Variants in CR1 observed in about 807,000 individuals in gnomAD.
CR1 encodes complement receptor type 1.
A neutral mutation model predicts 187.3 loss-of-function variants in CR1; 116 were observed. That is an observed-to-expected ratio of 0.62 (90% confidence interval 0.53 to 0.72). CR1 has a LOEUF of 0.72. Ranked by LOEUF, CR1 falls within the 30% of genes least tolerant of loss-of-function variation. The pLI, the probability that CR1 is intolerant of heterozygous loss-of-function variation, is 0.00. For synonymous variants in CR1, 576 were observed against 747.1 expected (o/e 0.77, Z 3.73); for missense variants, 1,731 against 2,110.7 (o/e 0.82, Z 3.52).
chr1:207,524,071 G>T lies in CR1; in HGVS notation c.886+62G>T. On this transcript the variant is annotated intron_variant, in intron 5 of 46. Transcript: ENST00000367049. ...GACATGCGTTGCTGTTGGATCAGGA[G>T]ATTAGTATTTGTTCAGGGGGAGGGA... The T allele has an allele frequency of 2.5e-6, 4 of 1,611,616 alleles. No individual in the cohort carries two copies. In the South Asian group the frequency reaches 4.4e-5, roughly 18 times the overall value.
intron 35 of CR1, among the ~76,000 whole-genome samples, 155 bp from the exon 36 acceptor site, chr1:207,607,096 T>A (rs539606908): frequency 2.0e-5 from 3 of 152,344 alleles, no homozygotes; most frequent in East Asian, 3.9e-4. Context: ...AAGAAAGGAC[T>A]AATTTGCAGA....
chr1:207,636,443 TAA>T (rs1662816428), intron 46 of CR1, among the ~76,000 whole-genome samples: 3 of 128,270 alleles, frequency 2.3e-5, no homozygotes, highest in African/African-American at 1.1e-4. Flanking sequence ...ACTTGGGGTG[TAA>T]TACAAAAATC....
intron 32 of CR1, among the ~76,000 whole-genome samples, chr1:207,583,459 T>A (rs1011219454): frequency 6.6e-6 from 1 of 152,190 alleles, no homozygotes; most frequent in Non-Finnish European, 1.5e-5. Context: ...AATAGGACTA[T>A]AGCTGAAGAG....
chr1:207,567,999 G>T lies in CR1; in HGVS notation c.4128G>T (p.Gly1376=). ...TCCGCTGCACAAGTGACCCTCAAGG[G>T]AATGGGGTTTGGAGCAGCCCTGCCC... is the stretch of plus-strand genomic sequence containing the variant. The part of the protein sequence containing the change: ...STIRCTSDPQ[G]NGVWSSPAPR... The change falls in exon 25 of 47, where the codon GGG becomes GGT. Residue 1376 remains glycine (G), a synonymous_variant. Coordinates refer to ENST00000367049, the MANE Select transcript of CR1 (RefSeq NM_000651.6). The T allele has an allele frequency of 6.2e-7, 1 of 1,610,568 alleles. No individual in the cohort carries two copies. Among genetic ancestry groups the T allele is most frequent in the African/African-American group, 1.4e-5 (1 of 72,160 alleles).
intron 28 of CR1, among the ~76,000 whole-genome samples, chr1:207,577,261 CAAACAAAA>C (rs1307483531): frequency 2.2e-5 from 3 of 139,108 alleles, no homozygotes; most frequent in African/African-American, 8.0e-5. Context: ...AACAAACAAA[CAAACAAAA>C]AAAAAACACA....
chr1:207,615,791 T>C (rs1662073976), intron 40 of CR1, among the ~76,000 whole-genome samples: 1 of 152,062 alleles, frequency 6.6e-6, no homozygotes, highest in African/African-American at 2.4e-5. Context: ...GAGCTGAAAA[T>C]AAATATATAA....
At chr1:207,637,092 C>T (rs1224461847) in intron 46 of CR1, among the ~76,000 whole-genome samples, 4 of 152,196 alleles carry the variant, frequency 2.6e-5, no homozygotes, top group Non-Finnish European at 5.9e-5. Flanking sequence ...TATGAGGCCA[C>T]AGTAAGCCTC....
chr1:207,564,258 G>A (rs779476081), intron 23 of CR1, 24 bp downstream of exon 23: 2 of 1,571,474 alleles, frequency 1.3e-6, no homozygotes, highest in Admixed American at 1.8e-5. Flanking sequence ...TGCCTGACCT[G>A]CTGGACATTG....
chr1:207,575,750 G>T (rs1660725192), intron 28 of CR1, 70 bp downstream of exon 28: 4 of 1,603,738 alleles, frequency 2.5e-6, no homozygotes, highest in Admixed American at 1.7e-5. Flanking sequence ...GAATTACAAA[G>T]AATGGATCTC....
chr1:207,624,688 T>C (rs1279657990), intron 45 of CR1, among the ~76,000 whole-genome samples: 2 of 152,210 alleles, frequency 1.3e-5, no homozygotes, highest in Non-Finnish European at 2.9e-5. Context: ...CGGCTTGACA[T>C]ATATTCTTTG....
Position 207,556,679 on chromosome 1 carries a change from A to ATC in CR1, c.3102-1858_3102-1857dup, listed in dbSNP as rs1553291434. The stretch of plus-strand genomic sequence containing the variant: ...TATATATATATATATATATATATAT[A>ATC]TCACAATGAATATTGCAGAAAATTA... On this transcript the variant is annotated intron_variant, in intron 19 of 46. Transcript: ENST00000367049. Among the ~76,000 whole-genome samples the ATC allele has an allele frequency of 4.7e-5, 3 of 63,198 alleles. 1 individual carries two copies. Among genetic ancestry groups the ATC allele is most frequent in the African/African-American group, 1.4e-4 (3 of 21,710 alleles). The allele number at this position is 63,198 out of a possible 152,430, so 41.5% of individuals were successfully genotyped here.
chr1:207,624,182 T>C (rs1330039693), intron 45 of CR1, among the ~76,000 whole-genome samples: 2 of 152,016 alleles, frequency 1.3e-5, no homozygotes, highest in Non-Finnish European at 2.9e-5. Context: ...CGCCTCAGCC[T>C]CCCAAAGTGC....
intron 4 of CR1, 77 bp downstream of exon 4, chr1:207,511,731 G>A: frequency 7.1e-7 from 1 of 1,401,318 alleles, no homozygotes; most frequent in South Asian, 1.2e-5. Flanking sequence ...AATCTTAACT[G>A]AATTCCTTCT....
intron 46 of CR1, among the ~76,000 whole-genome samples, chr1:207,637,927 A>ATTT (rs929997262): frequency 6.6e-6 from 1 of 151,868 alleles, no homozygotes; most frequent in African/African-American, 2.4e-5. Flanking sequence ...CACCTTCCCT[A>ATTT]TTTCCCATGT....
chr1:207,604,922 C>T (rs1661703184), intron 35 of CR1, among the ~76,000 whole-genome samples: 1 of 152,046 alleles, frequency 6.6e-6, no homozygotes, highest in South Asian at 2.1e-4. Flanking sequence ...GAGTAAGTTT[C>T]AGAGATCTAT....
intron 35 of CR1, among the ~76,000 whole-genome samples, chr1:207,603,406 T>A (rs1231996359): frequency 6.6e-6 from 1 of 152,092 alleles, no homozygotes; most frequent in African/African-American, 2.4e-5. Flanking sequence ...GTCCCACGTC[T>A]GTAAAATTCT....
intron 34 of CR1, among the ~76,000 whole-genome samples, chr1:207,588,467 C>T (rs965879135): frequency 2.0e-5 from 3 of 152,106 alleles, no homozygotes; most frequent in Non-Finnish European, 4.4e-5. Flanking sequence ...CCATACATAA[C>T]CTTTATTAGG....
At chr1:207,501,900 G>A (rs1391588030) in intron 1 of CR1, among the ~76,000 whole-genome samples, 1 of 149,074 alleles carries the variant, frequency 6.7e-6, no homozygotes, top group Non-Finnish European at 1.5e-5. Context: ...GAAAATAACA[G>A]CAACTGTTTT....
chr1:207,521,344 A>G (rs564998748), intron 4 of CR1, among the ~76,000 whole-genome samples: 4 of 152,150 alleles, frequency 2.6e-5, no homozygotes, highest in African/African-American at 9.6e-5. Context: ...TCAGTTATTA[A>G]TTCTTCAAAT....
Sources: gnomAD v4.1 joint callset for allele counts (sites outside exome capture counted in the v4.1 genomes callset) on GRCh38, gnomAD v4.1.1 for gene constraint, MANE v1.5 for transcripts, NCBI Gene and HGNC (gene_info 2026-07-23, HGNC 2026-07-21) for gene names.